The following TRMT2B variants were observed in gnomAD, a reference collection of about 807,000 sequenced individuals.
TRMT2B encodes the protein tRNA (uracil-5-)-methyltransferase homolog B.
In TRMT2B, 34 loss-of-function variants were observed where a neutral mutation model predicts 39.7. The observed-to-expected ratio is 0.86, with a 90% CI of 0.65 to 1.14. The LOEUF is 1.14. Among genes scored for constraint, TRMT2B ranks in the 50% most tolerant of loss-of-function variants. The pLI is 0.00. For missense variants in TRMT2B, 318 were observed against 377.2 expected, an observed-to-expected ratio of 0.84 and a Z score of 1.30; for synonymous variants, 132 against 137.3, an observed-to-expected ratio of 0.96 and a Z score of 0.27.
Position 101,010,622 on chromosome X carries a change from G to T in TRMT2B, c.1474C>A (p.His492Asn). Residue 492 changes from histidine (H) to asparagine (N), a missense_variant, in exon 14 of 14, where the codon CAC (histidine) becomes AAC (asparagine). Transcript: ENST00000372936. ...AGCACCAGCTCACAATGTGGGGTGT[G>T]AGGGAACAAATCCACAGGTACAGCT... ...QQAVPVDLFP[H>N]TPHCELVLLF... is the part of the protein sequence containing the mutation. 1 of 1,211,455 alleles carries T rather than the reference G, an allele frequency of 8.3e-7. No individual in the cohort carries two copies. The highest frequency in any genetic ancestry group is 1.1e-6 in the Non-Finnish European group (1 of 895,287).
chrX:101,023,291 G>A (rs1341992630), intron 8 of TRMT2B, among the ~76,000 whole-genome samples, 179 bp downstream of exon 8: 1 of 112,032 alleles, frequency 8.9e-6, no homozygotes, highest in Non-Finnish European at 1.9e-5. Flanking sequence ...TATGCGAGCA[G>A]TATGGTTAAA....
intron 13 of TRMT2B, among the ~76,000 whole-genome samples, 162 bp from the exon 14 acceptor site, chrX:101,010,869 T>A (rs936812124): frequency 8.9e-6 from 1 of 112,121 alleles, no homozygotes; most frequent in Non-Finnish European, 1.9e-5. Flanking sequence ...TTCTTCACCA[T>A]CTTCCTTACT....
intron 13 of TRMT2B, among the ~76,000 whole-genome samples, chrX:101,014,537 C>CT (rs140888493): frequency 2.5e-4 from 26 of 103,089 alleles, no homozygotes; most frequent in African/African-American, 6.0e-4. Context: ...CACATACTGA[C>CT]TTTTTTTTTT....
chrX:101,044,718 T>C lies in TRMT2B; in HGVS notation c.-23-2406A>G, dbSNP rs553093889. On this transcript the variant is annotated intron_variant, in intron 2 of 13. Coordinates refer to ENST00000372936, the MANE Select transcript of TRMT2B (RefSeq NM_024917.6). ...AGCTGGGCGTGGTGGCATGCACCTGTAGTCCCAGCTACTCGGTAGGCTGAG... is the reference window on the plus strand; with the variant it reads ...AGCTGGGCGTGGTGGCATGCACCTGCAGTCCCAGCTACTCGGTAGGCTGAG... Among the ~76,000 whole-genome samples the C allele has an allele frequency of 3.1e-4, 34 of 109,278 alleles. No individual in the cohort carries two copies. In the South Asian group the frequency reaches 0.013, roughly 42 times the overall value. The allele number at this position is 109,278 out of a possible 115,157, so 94.9% of individuals were successfully genotyped here. A position where few individuals can be genotyped will look rare whatever the true frequency, so the allele number is the denominator to read the frequency against.
chrX:101,016,653 T>TG (rs1228510740), intron 13 of TRMT2B, among the ~76,000 whole-genome samples: 2 of 97,983 alleles, frequency 2.0e-5, no homozygotes, highest in Non-Finnish European at 4.1e-5. Flanking sequence ...TTTTTTTTTT[T>TG]TTTTTTTTTT....
At chrX:101,044,013 G>A (rs780345576) in intron 2 of TRMT2B, among the ~76,000 whole-genome samples, 1 of 111,809 alleles carries the variant, frequency 8.9e-6, no homozygotes, top group East Asian at 2.8e-4. Context: ...GGAGGCCAGA[G>A]CGGGCAGATC....
At chrX:101,047,715 C>T (rs1443719525) in intron 2 of TRMT2B, among the ~76,000 whole-genome samples, 1 of 110,633 alleles carries the variant, frequency 9.0e-6, no homozygotes, top group Non-Finnish European at 1.9e-5. Context: ...ACCTGTAATC[C>T]CACTACTCGG....
chrX:101,001,824 CAAAAA>C, the TRMT2B span, among the ~76,000 whole-genome samples: 10 of 59,981 alleles, frequency 1.7e-4, no homozygotes, highest in African/African-American at 4.0e-4. Flanking sequence ...AAGTGATATT[CAAAAA>C]AAAAAAAAAA....
At chrX:101,041,211 C>G in intron 4 of TRMT2B, 106 bp downstream of exon 4, 2 of 759,381 alleles carry the variant, frequency 2.6e-6, no homozygotes, top group South Asian at 6.1e-5. Flanking sequence ...CTCAAAAAAA[C>G]TTAAAATTAA....
At chrX:100,986,272 T>G in the TRMT2B span, among the ~76,000 whole-genome samples, 1 of 112,011 alleles carries the variant, frequency 8.9e-6, no homozygotes, top group Non-Finnish European at 1.9e-5. Flanking sequence ...AACCTCATGA[T>G]AGCAGAGAAC....
chrX:101,038,990 A>C (rs2088039810), intron 4 of TRMT2B, among the ~76,000 whole-genome samples: 2 of 111,294 alleles, frequency 1.8e-5, no homozygotes, highest in Admixed American at 9.6e-5. Flanking sequence ...GGCTTAAGCG[A>C]TCCACCTGCC....
At position 101,051,353 on chromosome X, in the gene TRMT2B, G is replaced by A; in HGVS notation, c.-126C>T. On this transcript the variant is annotated 5_prime_UTR_variant, in exon 2 of 14. Transcript: ENST00000372936. The stretch of plus-strand genomic sequence containing the variant: ...CCTTCCTTCAGCTGGACCGGCTCCA[G>A]ACACTATTCCTTGCTAAACCAAACA... 4.0e-6 allele frequency: 3 copies of A among 754,232 alleles called. No individual in the cohort carries two copies. The highest frequency in any genetic ancestry group is 4.7e-6 in the Non-Finnish European group (3 of 639,412). 62.2% of individuals were successfully genotyped at this position (754,232 alleles called of 1,213,427 possible). A position where few individuals can be genotyped will look rare whatever the true frequency, so the allele number is the denominator to read the frequency against.
Position 101,035,679 on chromosome X carries a change from C to A in TRMT2B, c.543G>T (p.Gly181=). ...GATTAGACTGCACACAGACAACGTT[C>A]CCATCTATGGAAAGAAAAATAATTT... ...VGFYLGTWRD[G]NVVCVQSNHL... is the part of the protein sequence containing the mutation. Residue 181 remains glycine, a synonymous_variant, in exon 7 of 14, where the codon GGG becomes GGT. Transcript: ENST00000372936. 2 of 1,203,601 alleles carry A rather than the reference C, an allele frequency of 1.7e-6. No homozygotes were observed. The highest frequency in any genetic ancestry group is 3.5e-5 in the South Asian group (2 of 56,725).
intron 7 of TRMT2B, among the ~76,000 whole-genome samples, chrX:101,030,726 G>A (rs1473500322): frequency 5.4e-5 from 6 of 110,123 alleles, no homozygotes; most frequent in Non-Finnish European, 1.1e-4. Flanking sequence ...GATTACAGGC[G>A]TGAGCCACCA....
Position 101,041,370 on chromosome X carries a change from G to C in TRMT2B, c.250C>G (p.Leu84Val), listed in dbSNP as rs201296426. Residue 84 changes from leucine (L) to valine (V), a missense_variant and splice_region_variant, in exon 4 of 14, where the codon CTG becomes GTG. Physicochemically the swap from Leu to Val is conservative, Grantham distance 32 (BLOSUM62 1). Transcript: ENST00000372936. ...GPLDGSWQER[L>V]ADVVTPLWRL... is the part of the protein sequence containing the mutation. ...CAGAGTGGTGTCACAACATCAGCCA[G>C]CCTTGAATAAAATAATTCAGGCAAT... 141 of 1,204,550 alleles carry C rather than the reference G, an allele frequency of 1.2e-4. No individual in the cohort carries two copies. The East Asian group carries it at 3.6e-3, about 31-fold the overall frequency.
In TRMT2B at chrX:101,051,628, C is replaced by A. The variant is rs1365599611; in HGVS notation, c.-401G>T. On this transcript the variant is annotated 5_prime_UTR_variant, in exon 2 of 14. Coordinates refer to ENST00000372936, the MANE Select transcript of TRMT2B (RefSeq NM_024917.6). ...GGAGGAGTTAGGGCACAGGCCCACG[C>A]TGGGCCGTACACGACCTTGCGCAGT... is the stretch of plus-strand genomic sequence containing the variant. 3 of 753,529 alleles carry A rather than the reference C, an allele frequency of 4.0e-6. No homozygotes were observed. The highest frequency in any genetic ancestry group is 1.5e-4 in the East Asian group (1 of 6,582). 62.1% of individuals were successfully genotyped at this position (753,529 alleles called of 1,213,427 possible). A position where few individuals can be genotyped will look rare whatever the true frequency, so the allele number is the denominator to read the frequency against.
At chrX:101,041,703 T>C (rs1330154081) in intron 3 of TRMT2B, among the ~76,000 whole-genome samples, 1 of 112,139 alleles carries the variant, frequency 8.9e-6, no homozygotes, top group Non-Finnish European at 1.9e-5. Flanking sequence ...TATTTGTGCT[T>C]ATATGGCTGC....
intron 6 of TRMT2B, among the ~76,000 whole-genome samples, chrX:101,036,444 CA>C (rs776144105): frequency 3.7e-3 from 80 of 21,778 alleles, no homozygotes; most frequent in African/African-American, 7.5e-3. Flanking sequence ...GACTCCATCT[CA>C]AAAAAAAAAA....
chrX:100,976,233 A>G, the TRMT2B span, among the ~76,000 whole-genome samples: 1 of 109,887 alleles, frequency 9.1e-6, no homozygotes, highest in African/African-American at 3.3e-5. Context: ...CTATATTTTA[A>G]GAACTCCTCA....
Sources: allele counts gnomAD v4.1 joint callset (sites outside exome capture counted in the v4.1 genomes callset), GRCh38; gene constraint gnomAD v4.1.1; transcripts MANE v1.5; gene names NCBI Gene and HGNC (gene_info 2026-07-23, HGNC 2026-07-21).